The following PSAT1 variants were observed in gnomAD, a reference collection of about 807,000 sequenced individuals.
PSAT1 encodes phosphoserine aminotransferase.
Under a neutral mutation model 40.3 loss-of-function variants are expected in PSAT1, and 41 were observed. That is an observed-to-expected ratio of 1.02 (90% CI 0.79 to 1.32). The LOEUF is 1.32. Ranked by LOEUF, PSAT1 falls within the 40% of genes most tolerant of loss-of-function variation. The probability of loss-of-function intolerance (pLI) is 0.00; values close to 1 mark genes in which losing one functional copy is unlikely to be tolerated. For missense variants in PSAT1, 406 were observed against 455.8 expected, an observed-to-expected ratio of 0.89 and a Z score of 0.99; for synonymous variants, 147 against 170.5, an observed-to-expected ratio of 0.86 and a Z score of 1.07.
At chr9:78,305,520 A>G (rs1175074820) in intron 4 of PSAT1, among the ~76,000 whole-genome samples, 2 of 152,194 alleles carry the variant, frequency 1.3e-5, no homozygotes, top group Non-Finnish European at 2.9e-5. Context: ...TGGCTTGATC[A>G]GGGGCCCCAA....
At chr9:78,303,124 A>G (rs1464697113) in intron 3 of PSAT1, among the ~76,000 whole-genome samples, 2 of 152,232 alleles carry the variant, frequency 1.3e-5, no homozygotes, top group Non-Finnish European at 2.9e-5. Context: ...AATCAGGGAT[A>G]ATCACTAATA....
At chr9:78,322,399 G>T (rs1828440768) in intron 7 of PSAT1, among the ~76,000 whole-genome samples, 1 of 152,214 alleles carries the variant, frequency 6.6e-6, no homozygotes, top group African/African-American at 2.4e-5. Context: ...GATAGGACAA[G>T]GATGCAGCTG....
intron 6 of PSAT1, among the ~76,000 whole-genome samples, chr9:78,309,232 C>A (rs182122029): frequency 1.3e-5 from 2 of 152,360 alleles, no homozygotes; most frequent in Non-Finnish European, 2.9e-5. Flanking sequence ...GCCTGCATCT[C>A]AAACAGCCAG....
chr9:78,306,196 G>A (rs1828179578), intron 4 of PSAT1, 118 bp from the exon 5 acceptor site: 1 of 1,077,222 alleles, frequency 9.3e-7, no homozygotes, highest in East Asian at 2.4e-5. Context: ...GCAATGCTTT[G>A]GAGTCAGTTA....
rs1158434708 is a variant in PSAT1 at position 78,300,491 on chromosome 9, T to A, written c.61-111T>A. Reference sequence around the variant, plus strand: ...CTGGCTGTGGGTGGGGATGGAAGCCTGGGGACCTCACTGTAGACCCTTCCT... The same window carrying A: ...CTGGCTGTGGGTGGGGATGGAAGCCAGGGGACCTCACTGTAGACCCTTCCT... On this transcript the variant is annotated intron_variant, in intron 1 of 8. Coordinates refer to ENST00000376588, the MANE Select transcript of PSAT1 (RefSeq NM_058179.4). The A allele has an allele frequency of 2.9e-6, 4 of 1,368,928 alleles. No homozygotes were observed. The African/African-American group carries it at 4.5e-5, about 15-fold the overall frequency. 84.8% of individuals were successfully genotyped at this position (1,368,928 alleles called of 1,614,324 possible).
At chr9:78,321,030 G>T (rs1335734174) in intron 7 of PSAT1, among the ~76,000 whole-genome samples, 4 of 151,978 alleles carry the variant, frequency 2.6e-5, no homozygotes, top group Non-Finnish European at 5.9e-5. Flanking sequence ...CCACGCCTAG[G>T]TCCTTTAACT....
chr9:78,326,955 A>ATTTT (rs1554688170), intron 7 of PSAT1, among the ~76,000 whole-genome samples: 7 of 75,930 alleles, frequency 9.2e-5, no homozygotes, highest in South Asian at 4.4e-4. Flanking sequence ...ATATATATAT[A>ATTTT]TTTTTTTTTT....
chr9:78,317,218 G>A (rs936164176), intron 6 of PSAT1, among the ~76,000 whole-genome samples: 4 of 152,190 alleles, frequency 2.6e-5, no homozygotes, highest in African/African-American at 9.6e-5. Context: ...ACATGCTCTT[G>A]TTCACATGGG....
intron 2 of PSAT1, 70 bp downstream of exon 2, chr9:78,300,732 T>TTTTA (rs71360680): frequency 7.2e-7 from 1 of 1,391,102 alleles, no homozygotes; most frequent in Non-Finnish European, 9.5e-7. Context: ...TTTTTTTTTT[T>TTTTA]AGAGGCAGGG....
chr9:78,320,053 C>T (rs1828403967), intron 7 of PSAT1, among the ~76,000 whole-genome samples: 2 of 151,734 alleles, frequency 1.3e-5, no homozygotes, highest in African/African-American at 2.4e-5. Flanking sequence ...TCCACTCATC[C>T]ATCCACCATT....
chr9:78,300,688 A>C, intron 2 of PSAT1, 26 bp downstream of exon 2: 1 of 1,513,406 alleles, frequency 6.6e-7, no homozygotes. Flanking sequence ...GAATTCTGTG[A>C]ATGTCCATGT....
intron 6 of PSAT1, among the ~76,000 whole-genome samples, chr9:78,316,175 C>A (rs563059804): frequency 3.9e-5 from 6 of 152,362 alleles, no homozygotes; most frequent in Non-Finnish European, 7.3e-5. Flanking sequence ...TTTGAAGGGA[C>A]TACTGACTGC....
At chr9:78,315,307 A>G (rs1828325607) in intron 6 of PSAT1, among the ~76,000 whole-genome samples, 1 of 152,206 alleles carries the variant, frequency 6.6e-6, no homozygotes, top group African/African-American at 2.4e-5. Context: ...TGCTTGCCAG[A>G]TGACTTGAGG....
chr9:78,327,284 C>T (rs541268807), intron 7 of PSAT1, among the ~76,000 whole-genome samples: 89 of 151,854 alleles, frequency 5.9e-4, no homozygotes, highest in African/African-American at 2.0e-3. Context: ...TTTAAGAGAG[C>T]GGGAGGAGAG....
rs1828540819 is a variant in PSAT1, at chr9:78,328,906, A to G, written c.1008-75A>G. On this transcript the variant is annotated intron_variant, in intron 8 of 8. Transcript: ENST00000376588. ...TCAGGTGCTGCAACTCTCAGGAGCC[A>G]GTGGCTAGAAAAAGGTGTTTTGATG... 6 of 1,157,254 alleles carry G rather than the reference A, an allele frequency of 5.2e-6. No homozygotes were observed. In the Admixed American group the frequency reaches 8.5e-5, roughly 16 times the overall value. 71.7% of individuals were successfully genotyped at this position (1,157,254 alleles called of 1,614,324 possible). A position where few individuals can be genotyped will look rare whatever the true frequency, so the allele number is the denominator to read the frequency against.
At position 78,297,225 on chromosome 9, in the gene PSAT1, G is replaced by T. The variant is rs774201284; in HGVS notation, c.15G>T (p.Arg5Ser). 6.2e-7 allele frequency: 1 copy of T among 1,602,566 alleles called. No individual in the cohort carries two copies. The highest frequency in any genetic ancestry group is 8.5e-7 in the Non-Finnish European group (1 of 1,178,404). Reference sequence around the variant, plus strand: ...GCCGCCGCACCATGGACGCCCCCAGGCAGGTGGTCAACTTTGGGCCTGGTC... The same window carrying T: ...GCCGCCGCACCATGGACGCCCCCAGTCAGGTGGTCAACTTTGGGCCTGGTC... MDAP[R>S]QVVNFGPGPA... The change falls in exon 1 of 9, where the codon AGG (arginine) becomes AGT (serine). Residue 5 changes from arginine to serine, a missense_variant. Arg to Ser is a moderately radical substitution (Grantham distance 110). Transcript: ENST00000376588.
Position 78,304,718 on chromosome 9 carries a change from C to G in PSAT1, c.192-17C>G. On this transcript the variant is annotated splice_polypyrimidine_tract_variant and intron_variant, in intron 3 of 8. Coordinates refer to ENST00000376588, the MANE Select transcript of PSAT1 (RefSeq NM_058179.4). ...ACATGAGTTTATGTATTGACTGTTA[C>G]CTATGCTTCTGCCCAGAGCTGTTCC... 6.2e-7 allele frequency: 1 copy of G among 1,600,180 alleles called. No individual in the cohort carries two copies. Among genetic ancestry groups the G allele is most frequent in the Non-Finnish European group, 8.6e-7 (1 of 1,167,324 alleles).
At chr9:78,315,936 A>G (rs188384563) in intron 6 of PSAT1, among the ~76,000 whole-genome samples, 50 of 152,330 alleles carry the variant, frequency 3.3e-4, no homozygotes, top group Middle Eastern at 6.8e-3. Flanking sequence ...TTTTTGCACA[A>G]TTCCCATAGG....
chr9:78,327,588 A>T (rs1358236509), intron 7 of PSAT1, among the ~76,000 whole-genome samples: 1 of 152,152 alleles, frequency 6.6e-6, no homozygotes, highest in East Asian at 1.9e-4. Context: ...GCTTGGGGCA[A>T]TACACCATGG....
Sources: allele counts gnomAD v4.1 joint callset (sites outside exome capture counted in the v4.1 genomes callset), GRCh38; gene constraint gnomAD v4.1.1; transcripts MANE v1.5; gene names NCBI Gene and HGNC (gene_info 2026-07-23, HGNC 2026-07-21).